CTNNA3: variants seen among roughly 807,000 people sequenced by gnomAD.
CTNNA3 encodes the protein catenin alpha-3.
A neutral mutation model predicts 95.7 loss-of-function variants in CTNNA3; 76 were observed. The observed-to-expected ratio is 0.79, with a 90% CI of 0.66 to 0.96. The LOEUF (loss-of-function observed/expected upper bound fraction) is 0.96, where lower values mean the gene tolerates loss of function less well. Among genes scored for constraint, CTNNA3 ranks in the 40% least tolerant of loss-of-function variants. The probability of loss-of-function intolerance (pLI) is 0.00; values close to 1 mark genes in which losing one functional copy is unlikely to be tolerated. For synonymous variants in CTNNA3, 431 were observed against 374.4 expected, an observed-to-expected ratio of 1.15 and a Z score of -1.74; for missense variants, 1,191 against 1,089.8, an observed-to-expected ratio of 1.09 and a Z score of -1.31.
At chr10:66,859,517 C>G (rs1843818925) in intron 7 of CTNNA3, among the ~76,000 whole-genome samples, 1 of 151,814 alleles carries the variant, frequency 6.6e-6, no homozygotes, top group Admixed American at 6.6e-5. Flanking sequence ...CAGGAAACAA[C>G]AGGTGCTGGA....
At chr10:67,268,408 G>A (rs1252283868) in intron 5 of CTNNA3, among the ~76,000 whole-genome samples, 8 of 151,858 alleles carry the variant, frequency 5.3e-5, no homozygotes, top group Admixed American at 5.3e-4. Flanking sequence ...TGTAGTGCCA[G>A]CTACTTGGCC....
intron 15 of CTNNA3, among the ~76,000 whole-genome samples, chr10:66,053,858 T>C (rs2080014916): frequency 6.6e-6 from 1 of 152,154 alleles, no homozygotes; most frequent in Admixed American, 6.5e-5. Context: ...TGCCAGATCT[T>C]ATTCCTTTTA....
intron 7 of CTNNA3, among the ~76,000 whole-genome samples, chr10:67,102,502 T>C (rs1330582545): frequency 6.6e-6 from 1 of 151,808 alleles, no homozygotes; most frequent in Non-Finnish European, 1.5e-5. Flanking sequence ...TTTTTTATTC[T>C]ATGAAGGACA....
intron 13 of CTNNA3, among the ~76,000 whole-genome samples, chr10:66,279,561 G>A (rs2132155964): frequency 6.6e-6 from 1 of 152,034 alleles, no homozygotes; most frequent in Middle Eastern, 3.4e-3. Context: ...GTTCATGTCA[G>A]GTAAGATAAT....
chr10:67,388,064 G>T (rs1844271921), intron 5 of CTNNA3, among the ~76,000 whole-genome samples: 1 of 151,270 alleles, frequency 6.6e-6, no homozygotes, highest in Admixed American at 6.6e-5. Context: ...GATGGAGAAT[G>T]ACTTTGACGA....
chr10:67,409,002 C>G (rs1160511172), intron 5 of CTNNA3, among the ~76,000 whole-genome samples: 1 of 151,478 alleles, frequency 6.6e-6, no homozygotes, highest in Non-Finnish European at 1.5e-5. Context: ...CATCACTGAT[C>G]AGTAGAGAAA....
intron 7 of CTNNA3, among the ~76,000 whole-genome samples, chr10:66,929,971 ACCCC>A (rs1320132914): frequency 2.0e-5 from 3 of 152,044 alleles, no homozygotes; most frequent in Non-Finnish European, 2.9e-5. Context: ...TGGCTTGCCA[ACCCC>A]TACATCTTTA....
chr10:67,246,630 A>G (rs1004639354), intron 5 of CTNNA3, among the ~76,000 whole-genome samples: 3 of 152,228 alleles, frequency 2.0e-5, no homozygotes, highest in African/African-American at 7.2e-5. Flanking sequence ...GGAATATCTT[A>G]TAAATTTACA....
chr10:66,813,506 C>T (rs1215436247), intron 7 of CTNNA3, among the ~76,000 whole-genome samples: 1 of 152,080 alleles, frequency 6.6e-6, no homozygotes, highest in Non-Finnish European at 1.5e-5. Flanking sequence ...ATGAATTATT[C>T]CATTCAGCAT....
At position 65,980,603 on chromosome 10, in the gene CTNNA3, A is replaced by G. The variant is rs550901840; in HGVS notation, c.2265+8089T>C. Among the ~76,000 whole-genome samples, 8 of 152,058 alleles carry G rather than the reference A, an allele frequency of 5.3e-5. No homozygotes were observed. In the South Asian group the frequency reaches 1.7e-3, roughly 32 times the overall value. On this transcript the variant is annotated intron_variant, in intron 16 of 17. Coordinates refer to ENST00000433211, the MANE Select transcript of CTNNA3 (RefSeq NM_013266.4). Reference sequence around the variant, plus strand: ...ATGCAAAAATCCCCAACAAAATTCTAGCTAACTAAATTCAACAGCATATGT... The same window carrying G: ...ATGCAAAAATCCCCAACAAAATTCTGGCTAACTAAATTCAACAGCATATGT...
rs567946948 is a variant in CTNNA3, at chr10:67,581,293, C to T, written c.292+25564G>A. Among the ~76,000 whole-genome samples, 14 of 152,194 alleles carry T rather than the reference C, an allele frequency of 9.2e-5. No individual in the cohort carries two copies. The South Asian group carries it at 2.9e-3, about 32-fold the overall frequency. On this transcript the variant is annotated intron_variant, in intron 3 of 17. Coordinates refer to ENST00000433211, the MANE Select transcript of CTNNA3 (RefSeq NM_013266.4). ...AGGGCTGTTGAATTTTGTGAAAGGC[C>T]TTTTCTGCATCTATTGAGATAATAA...
chr10:66,135,903 A>ATT (rs199981098), intron 13 of CTNNA3, among the ~76,000 whole-genome samples: 11 of 143,532 alleles, frequency 7.7e-5, no homozygotes, highest in African/African-American at 2.1e-4. Flanking sequence ...ATGTAACACA[A>ATT]TTTTTTTTTT....
intron 7 of CTNNA3, among the ~76,000 whole-genome samples, chr10:67,015,705 A>AT (rs57989240): frequency 0.01 from 1,579 of 152,036 alleles, 27 homozygotes; most frequent in African/African-American, 0.035. Context: ...CTTTGTAACA[A>AT]TTTTCTTCTT....
intron 5 of CTNNA3, among the ~76,000 whole-genome samples, chr10:67,406,776 G>A (rs1845152636): frequency 6.6e-6 from 1 of 152,118 alleles, no homozygotes; most frequent in African/African-American, 2.4e-5. Context: ...GACCATGAGA[G>A]AATGTTATGA....
intron 10 of CTNNA3, among the ~76,000 whole-genome samples, chr10:66,541,619 T>C (rs1040046845): frequency 7.9e-5 from 12 of 152,150 alleles, no homozygotes; most frequent in African/African-American, 2.2e-4. Context: ...TGCATGTTTC[T>C]TTAGATATTG....
intron 12 of CTNNA3, among the ~76,000 whole-genome samples, chr10:66,332,527 G>A (rs562928407): frequency 2.6e-5 from 4 of 152,106 alleles, no homozygotes; most frequent in South Asian, 2.1e-4. Context: ...ACTGGATTAC[G>A]TTTATTGATT....
chr10:66,756,696 C>T (rs1839372648), intron 9 of CTNNA3, among the ~76,000 whole-genome samples: 1 of 152,084 alleles, frequency 6.6e-6, no homozygotes, highest in South Asian at 2.1e-4. Flanking sequence ...CTTCAATTCA[C>T]CTCCTAATTC....
rs1376357030 is a variant in CTNNA3, at chr10:66,290,006, A to T, written c.1733-9385T>A. Reference sequence around the variant, plus strand: ...ATTTTCTCTGGCTATATCTGGTTACAAGCAGAAATTCATTTGAAAAGAATA... The same window carrying T: ...ATTTTCTCTGGCTATATCTGGTTACTAGCAGAAATTCATTTGAAAAGAATA... On this transcript the variant is annotated intron_variant, in intron 12 of 17. Transcript: ENST00000433211. 5.3e-5 allele frequency among the ~76,000 whole-genome samples: 8 copies of T among 152,228 alleles called. No homozygotes were observed. In the East Asian group the frequency reaches 1.5e-3, roughly 29 times the overall value.
chr10:67,675,139 C>T (rs138518089), intron 1 of CTNNA3, among the ~76,000 whole-genome samples: 84 of 152,152 alleles, frequency 5.5e-4, no homozygotes, highest in African/African-American at 1.8e-3. Flanking sequence ...TACCTTTTCA[C>T]ATATCATTGA....
Sources: gnomAD v4.1 joint callset for allele counts (sites outside exome capture counted in the v4.1 genomes callset) on GRCh38, gnomAD v4.1.1 for gene constraint, MANE v1.5 for transcripts, NCBI Gene and HGNC (gene_info 2026-07-23, HGNC 2026-07-21) for gene names.